PDLIM2: variants seen among roughly 807,000 people sequenced by gnomAD.
PDLIM2 encodes the protein PDZ and LIM domain protein 2.
In PDLIM2, 51 loss-of-function variants were observed where a neutral mutation model predicts 54.1. The ratio of observed to expected loss-of-function variants is 0.94; its 90% confidence interval spans 0.75 to 1.19. The LOEUF (loss-of-function observed/expected upper bound fraction) is 1.19. Ranked by LOEUF, PDLIM2 falls within the 50% of genes most tolerant of loss-of-function variation. PDLIM2 has a pLI of 0.00. For synonymous variants in PDLIM2, 398 were observed against 385.6 expected (o/e 1.03, Z -0.38); for missense variants, 912 against 874.0 (o/e 1.04, Z -0.55).
chr8:22,592,217 G>A (rs1800574227), intron 9 of PDLIM2: 1 of 151,362 alleles, frequency 6.6e-6, no homozygotes, highest in Non-Finnish European at 1.5e-5. Context: ...GAGTTGTTGG[G>A]GCTACAGGCT....
chr8:22,589,428 A>G (rs976174118), intron 7 of PDLIM2, 54 bp downstream of exon 6: 20 of 1,531,980 alleles, frequency 1.3e-5, no homozygotes, highest in Non-Finnish European at 1.7e-5. Context: ...TGGGAGGGGC[A>G]GGAGGGAGAC....
intron 3 of PDLIM2, among the ~76,000 whole-genome samples, chr8:22,582,302 G>A (rs1342903320): frequency 1.3e-5 from 2 of 152,238 alleles, no homozygotes; most frequent in Admixed American, 6.5e-5. Flanking sequence ...GCCCTGCCCT[G>A]TGGTGTGGCA....
chr8:22,579,599 T>A (rs568467062), intron 1 of PDLIM2: 3 of 1,371,712 alleles, frequency 2.2e-6, no homozygotes. Flanking sequence ...GAACAGAGGC[T>A]AGGCCTGGGC....
Position 22,589,550 on chromosome 8 carries a change from AG to A in PDLIM2, c.1368-45del, listed in dbSNP as rs1334037359. On this transcript the variant is annotated intron_variant, in intron 7 of 9. Coordinates refer to ENST00000308354, the Ensembl canonical transcript of PDLIM2. ...TGCCCCCCACCCCCTTGCTTGCCTA[AG>A]CTCCGGCACGGGACCCTCATTCCTG... is the stretch of plus-strand genomic sequence containing the variant. The A allele has an allele frequency of 2.5e-6, 4 of 1,576,052 alleles. No individual in the cohort carries two copies. The South Asian group carries it at 4.7e-5, about 18-fold the overall frequency.
At chr8:22,585,531 C>A in intron 6 of PDLIM2, 132 bp downstream of exon 5, 1 of 863,476 alleles carries the variant, frequency 1.2e-6, no homozygotes, top group Non-Finnish European at 1.8e-6. Flanking sequence ...TGGCCACAGG[C>A]ATGCTCTGCT....
rs562833568 is a variant in PDLIM2, at chr8:22,579,162, G to C, written c.383G>C (p.Arg128Pro). The C allele has an allele frequency of 3.0e-6, 4 of 1,335,938 alleles. No individual in the cohort carries two copies. In the East Asian group the frequency reaches 9.4e-5, roughly 31 times the overall value. The allele number at this position is 1,335,938 out of a possible 1,614,324, so 82.8% of individuals were successfully genotyped here. ...GGTAGACGGCAGCGGGAGCGGTGGC[G>C]TCTCCCCGCCTTCCCTCCCTCCCGG... The change falls in exon 1 of 10, where the codon CGT (arginine) becomes CCT (proline). Residue 128 changes from arginine to proline, a missense_variant. Transcript: ENST00000308354.
chr8:22,586,037 A>G (rs1016123620), intron 6 of PDLIM2, among the ~76,000 whole-genome samples: 1 of 152,024 alleles, frequency 6.6e-6, no homozygotes, highest in Non-Finnish European at 1.5e-5. Context: ...TGAGGGAGTG[A>G]GGCAGCCAAC....
In PDLIM2 at chr8:22,580,705, T is replaced by G. The variant is rs901713988; in HGVS notation, c.843+8T>G. 1.9e-6 allele frequency: 3 copies of G among 1,613,514 alleles called. No individual in the cohort carries two copies. ...CCCATCATGGTGACTAAGGTAAGGA[T>G]GGTGGCTCAAAGAGATGAGAAGGTC... On this transcript the variant is annotated splice_region_variant and intron_variant, in intron 2 of 9. Transcript: ENST00000308354.
intron 6 of PDLIM2, 110 bp from the exon 6 acceptor site, chr8:22,589,188 G>A: frequency 8.4e-7 from 1 of 1,186,194 alleles, no homozygotes; most frequent in Non-Finnish European, 1.2e-6. Flanking sequence ...GGTCGGCGAG[G>A]GCCGGGGGCC....
intron 6 of PDLIM2, chr8:22,588,896 C>T (rs751181828): frequency 5.8e-5 from 16 of 278,116 alleles, no homozygotes; most frequent in African/African-American, 3.2e-4. Flanking sequence ...AAAAGGGCAG[C>T]GTGCTTCCTC....
chr8:22,582,708 A>G (rs1161802031), intron 3 of PDLIM2, among the ~76,000 whole-genome samples: 3 of 149,874 alleles, frequency 2.0e-5, no homozygotes, highest in Admixed American at 6.7e-5. Context: ...CAGCCTCCTG[A>G]GTACCTGGGA....
Position 22,578,861 on chromosome 8 carries a change from C to T in PDLIM2, c.82C>T (p.Gln28Ter). Residue 28 changes from glutamine (Q) to a stop codon, truncating the protein, a stop_gained, in exon 1 of 10, where the codon CAG (glutamine) becomes TAG (stop). Transcript: ENST00000308354. LOFTEE classifies it high-confidence loss of function. ...ATCGTCTGCGAAGTGGGGCGCGGGG[C>T]AGTCCCTGGACCGGCTCTGCTGTGC... The T allele has an allele frequency of 8.1e-7, 1 of 1,234,756 alleles. No individual in the cohort carries two copies. The highest frequency in any genetic ancestry group is 4.2e-5 in the Admixed American group (1 of 23,730). 76.5% of individuals were successfully genotyped at this position (1,234,756 alleles called of 1,614,324 possible).
At chr8:22,591,614 C>A (rs1475446737) in exon 9 of PDLIM2, 1 of 1,613,480 alleles carries the variant, frequency 6.2e-7, no homozygotes, top group Middle Eastern at 1.7e-4. Flanking sequence ...GCCTCCAGGG[C>A]CCTGGCCACC....
intron 6 of PDLIM2, chr8:22,589,093 G>A (rs77156424): frequency 5.8e-5 from 29 of 495,738 alleles, no homozygotes; most frequent in Admixed American, 1.4e-4. Flanking sequence ...CCCTGGCTCC[G>A]AGGGAAGGGG....
chr8:22,580,491 C>T (rs1367417931), intron 1 of PDLIM2: 22 of 1,576,688 alleles, frequency 1.4e-5, no homozygotes, highest in Admixed American at 5.6e-5. Context: ...GTAGCTGCTC[C>T]GGGAGCTGTG....
intron 2 of PDLIM2, 116 bp downstream of exon 1, chr8:22,580,813 C>A: frequency 1.7e-6 from 2 of 1,146,774 alleles, no homozygotes; most frequent in Non-Finnish European, 2.6e-6. Context: ...GGATCTGCTG[C>A]TGCCTGGCGT....
chr8:22,579,087 C>A, exon 1 of PDLIM2: 1 of 1,260,516 alleles, frequency 7.9e-7, no homozygotes, highest in East Asian at 3.2e-5. Context: ...CCCGGGATCA[C>A]ATGGGCGGAG....
chr8:22,589,777 TCCCTTCCGTACCCCGGGC>T, intron 8 of PDLIM2, 36 bp downstream of exon 7: 1 of 1,551,868 alleles, frequency 6.4e-7, no homozygotes, highest in Non-Finnish European at 8.7e-7. Flanking sequence ...GGAAGGAGGT[TCCCTTCCGTACCCCGGGC>T]CCTGACTGGA....
At chr8:22,581,418 C>T (rs376960775) in exon 3 of PDLIM2, 8 of 1,607,880 alleles carry the variant, frequency 5.0e-6, no homozygotes, top group Non-Finnish European at 6.8e-6. Flanking sequence ...TGACCTCCGG[C>T]CTGGAGACAT....
Sources: allele counts gnomAD v4.1 joint callset (sites outside exome capture counted in the v4.1 genomes callset), GRCh38; gene constraint gnomAD v4.1.1; transcripts MANE v1.5; gene names NCBI Gene and HGNC (gene_info 2026-07-23, HGNC 2026-07-21).